CHRM4: variants seen among roughly 807,000 people sequenced by gnomAD.
The protein encoded by CHRM4 is muscarinic acetylcholine receptor M4.
Under a neutral mutation model 26.3 loss-of-function variants are expected in CHRM4, and 5 were observed. The ratio of observed to expected loss-of-function variants is 0.19; its 90% CI spans 0.10 to 0.40. The LOEUF (loss-of-function observed/expected upper bound fraction) is 0.40. CHRM4 is among the 10% of genes least tolerant of loss of function. The pLI is 1.00. For missense variants in CHRM4, 402 were observed against 664.5 expected, an observed-to-expected ratio of 0.60 and a Z score of 4.34; for synonymous variants, 290 against 285.3, an observed-to-expected ratio of 1.02 and a Z score of -0.16.
Position 46,386,231 on chromosome 11 carries a change from CA to C in CHRM4, c.326del (p.Leu109ArgfsTer7). The stretch of plus-strand genomic sequence containing the variant: ...CGTTGCTCACCACGTAGTCCAGGGC[CA>C]GCCACAGGTCGCAGACCACGGCGCC... ...PLGAVVCDLWLALDYVVSNAS... is the reference protein window; with the variant it reads ...PLGAVVCDLWXALDYVVSNAS... On this transcript the variant is annotated frameshift_variant, in exon 2 of 2. Transcript: ENST00000682254. LOFTEE classifies it high-confidence loss of function. The surrounding 1 kb of genome is among the most constrained non-coding windows in gnomAD (Gnocchi z 5.8). The C allele has an allele frequency of 6.2e-7, 1 of 1,613,876 alleles. No individual in the cohort carries two copies. Among genetic ancestry groups the C allele is most frequent in the Non-Finnish European group, 8.5e-7 (1 of 1,179,888 alleles).
chr11:46,385,308 T>C lies in CHRM4; in HGVS notation c.1250A>G (p.Asn417Ser). 1 of 1,613,892 alleles carries C rather than the reference T, an allele frequency of 6.2e-7. No homozygotes were observed. The highest frequency in any genetic ancestry group is 8.5e-7 in the Non-Finnish European group (1 of 1,179,906). Residue 417 changes from asparagine to serine, a missense_variant, in exon 2 of 2, where the codon AAC becomes AGC. By Grantham distance (46) the Asn-to-Ser change is conservative. Around this residue, in one of 5 missense-constraint regions of CHRM4, gnomAD observed 55 missense variants for 126.4 expected, o/e 0.44. Coordinates refer to ENST00000682254, the MANE Select transcript of CHRM4 (RefSeq NM_000741.5). The surrounding 1 kb of genome is among the most constrained non-coding windows in gnomAD (Gnocchi z 6.3). ...LAFILTWTPYNVMVLVNTFCQ... is the reference protein window; with the variant it reads ...LAFILTWTPYSVMVLVNTFCQ... ...GAAGGTGTTCACCAGGACCATGACG[T>C]TGTAGGGCGTCCAGGTGAGGATGAA... is the stretch of plus-strand genomic sequence containing the variant.
In CHRM4 at chr11:46,385,768, G is replaced by T; in HGVS notation, c.790C>A (p.Arg264=). 6.3e-7 allele frequency: 1 copy of T among 1,597,172 alleles called. No homozygotes were observed. Among genetic ancestry groups the T allele is most frequent in the Non-Finnish European group, 8.5e-7 (1 of 1,171,214 alleles). ...AGCTTGCCATTGCGCAGCTCCTCCCGGGCGGCCTCCCCGGGCGGGGGCTTC... is the reference window on the plus strand; with the variant it reads ...AGCTTGCCATTGCGCAGCTCCTCCCTGGCGGCCTCCCCGGGCGGGGGCTTC... ...VKKPPPGEAA[R]EELRNGKLEE... The change falls in exon 2 of 2, where the codon CGG becomes AGG. Residue 264 remains arginine, a synonymous_variant. Transcript: ENST00000682254. This position sits in a 1 kb window ranked among gnomAD's most constrained non-coding sequence, Gnocchi z 6.3.
At chr11:46,387,467 C>T (rs1353847528) in intron 1 of CHRM4, among the ~76,000 whole-genome samples, 1 of 152,152 alleles carries the variant, frequency 6.6e-6, no homozygotes, top group Non-Finnish European at 1.5e-5. Context: ...TCATAACAAA[C>T]CTATGAGGTA....
At chr11:46,388,744 G>A (rs1275042921) in intron 1 of CHRM4, among the ~76,000 whole-genome samples, 2 of 152,214 alleles carry the variant, frequency 1.3e-5, no homozygotes, top group Admixed American at 6.5e-5. Context: ...CCAGCACCAG[G>A]AGGCTGCCCT....
At position 46,385,441 on chromosome 11, in the gene CHRM4, C is replaced by T. The variant is rs375771904; in HGVS notation, c.1117G>A (p.Val373Met). 1.6e-5 allele frequency: 25 copies of T among 1,607,550 alleles called. No individual in the cohort carries two copies. Among genetic ancestry groups the T allele is most frequent in the Non-Finnish European group, 1.7e-5 (20 of 1,174,862 alleles). The change falls in exon 2 of 2, where the codon GTG becomes ATG. Residue 373 changes from valine (V) to methionine (M), a missense_variant. Physicochemically the swap from Val to Met is conservative, Grantham distance 21. Around this residue, in one of 5 missense-constraint regions of CHRM4, gnomAD observed 205 missense variants for 244.0 expected, o/e 0.84. Transcript: ENST00000682254. The surrounding 1 kb of genome is among the most constrained non-coding windows in gnomAD (Gnocchi z 6.3). The stretch of plus-strand genomic sequence containing the variant: ...GCGATGCTGGCGAACTTGCGGGCCA[C>T]GTTGGCCGCAGGGCGCATGCCAGCC... ...TPAGMRPAAN[V>M]ARKFASIARN...
chr11:46,385,567 G>A lies in CHRM4; in HGVS notation c.991C>T (p.Arg331Trp), dbSNP rs200850651. Reference sequence around the variant, plus strand: ...CATCTGGAGGCTGGGTTGAGGGCCCGCGGCTGCAGGGGAGGGGCGGGCATG... The same window carrying A: ...CATCTGGAGGCTGGGTTGAGGGCCCACGGCTGCAGGGGAGGGGCGGGCATG... ...PAMPAPPLQPRALNPASRWSK... is the reference protein window; with the variant it reads ...PAMPAPPLQPWALNPASRWSK... Residue 331 changes from arginine to tryptophan, a missense_variant, in exon 2 of 2, where the codon CGG becomes TGG. Coordinates refer to ENST00000682254, the MANE Select transcript of CHRM4 (RefSeq NM_000741.5). The surrounding 1 kb of genome is among the most constrained non-coding windows in gnomAD (Gnocchi z 6.3). 2.6e-6 allele frequency: 4 copies of A among 1,561,928 alleles called. No homozygotes were observed. The highest frequency in any genetic ancestry group is 1.8e-5 in the Admixed American group (1 of 56,738).
rs746584106 is a variant in CHRM4 at position 46,385,734 on chromosome 11, G to A, written c.824C>T (p.Ala275Val). ...EELRNGKLEE[A>V]PPPALPPPPR... The stretch of plus-strand genomic sequence containing the variant: ...TGGCGGTGGCAGCGCTGGCGGGGGG[G>A]CCTCCTCCAGCTTGCCATTGCGCAG... The change falls in exon 2 of 2, where the codon GCC becomes GTC. Residue 275 changes from alanine to valine, a missense_variant. By Grantham distance (64) the Ala-to-Val change is moderately conservative. Around this residue, in one of 5 missense-constraint regions of CHRM4, gnomAD observed 205 missense variants for 244.0 expected, o/e 0.84. Transcript: ENST00000682254. This position sits in a 1 kb window ranked among gnomAD's most constrained non-coding sequence, Gnocchi z 6.3. The A allele has an allele frequency of 2.5e-6, 4 of 1,583,446 alleles. No individual in the cohort carries two copies. Among genetic ancestry groups the A allele is most frequent in the Admixed American group, 1.8e-5 (1 of 56,172 alleles).
At position 46,384,694 on chromosome 11, in the gene CHRM4, G is replaced by A. The variant is rs1945315007; in HGVS notation, c.*424C>T. ...AAGGGGGCAGAAAGCACCGATTACA[G>A]CAGAATGGGGGACCCCACCCTTCTA... On this transcript the variant is annotated 3_prime_UTR_variant, in exon 2 of 2. Transcript: ENST00000682254. Among the ~76,000 whole-genome samples, 1 of 152,186 alleles carries A rather than the reference G, an allele frequency of 6.6e-6. No individual in the cohort carries two copies. The highest frequency in any genetic ancestry group is 2.4e-5 in the African/African-American group (1 of 41,436).
At chr11:46,390,914 G>A (rs1945385134) in intron 1 of CHRM4, among the ~76,000 whole-genome samples, 1 of 152,246 alleles carries the variant, frequency 6.6e-6, no homozygotes, top group Non-Finnish European at 1.5e-5. Context: ...GGAAGGCTGT[G>A]GCCCCTGGAT....
chr11:46,389,910 T>TGC (rs1945376466), intron 1 of CHRM4, among the ~76,000 whole-genome samples: 1 of 152,200 alleles, frequency 6.6e-6, no homozygotes, highest in Admixed American at 6.5e-5. Flanking sequence ...TGCGTGTGTG[T>TGC]GCGCACGGCC....
rs191392166 is a variant in CHRM4, at chr11:46,385,521, G to A, written c.1037C>T (p.Thr346Met). 2.4e-5 allele frequency: 38 copies of A among 1,583,924 alleles called. No individual in the cohort carries two copies. In the African/African-American group the frequency reaches 2.7e-4, roughly 11 times the overall value. The part of the protein sequence containing the change: ...ASRWSKIQIV[T>M]KQTGNECVTA... The stretch of plus-strand genomic sequence containing the variant: ...CACACACTCATTGCCTGTCTGCTTC[G>A]TCACAATCTGGATCTTGGACCATCT... Residue 346 changes from threonine to methionine, a missense_variant, in exon 2 of 2, where the codon ACG becomes ATG. Physicochemically the swap from Thr to Met is moderately conservative, Grantham distance 81. Transcript: ENST00000682254. The surrounding 1 kb of genome is among the most constrained non-coding windows in gnomAD (Gnocchi z 6.3).
rs200255240 is a variant in CHRM4 at position 46,385,467 on chromosome 11, G to A, written c.1091C>T (p.Pro364Leu). 14 of 1,600,876 alleles carry A rather than the reference G, an allele frequency of 8.7e-6. No individual in the cohort carries two copies. The highest frequency in any genetic ancestry group is 2.2e-5 in the East Asian group (1 of 44,488). ...GTTGGCCGCAGGGCGCATGCCAGCCGGCGTGGCAGGCACAATCTCAATGGC... is the reference window on the plus strand; with the variant it reads ...GTTGGCCGCAGGGCGCATGCCAGCCAGCGTGGCAGGCACAATCTCAATGGC... ...VTAIEIVPAT[P>L]AGMRPAANVA... The change falls in exon 2 of 2, where the codon CCG becomes CTG. Residue 364 changes from proline to leucine, a missense_variant. Physicochemically the swap from Pro to Leu is moderately conservative, Grantham distance 98 (BLOSUM62 -3). Around this residue, in one of 5 missense-constraint regions of CHRM4, gnomAD observed 205 missense variants for 244.0 expected, o/e 0.84. Coordinates refer to ENST00000682254, the MANE Select transcript of CHRM4 (RefSeq NM_000741.5). The surrounding 1 kb of genome is among the most constrained non-coding windows in gnomAD (Gnocchi z 6.3).
At chr11:46,389,506 G>A (rs531517578) in intron 1 of CHRM4, among the ~76,000 whole-genome samples, 2 of 152,344 alleles carry the variant, frequency 1.3e-5, no homozygotes, top group African/African-American at 4.8e-5. Flanking sequence ...GCCTTCCCTG[G>A]AATCCAGATA....
chr11:46,390,067 C>A (rs1945378088), intron 1 of CHRM4, among the ~76,000 whole-genome samples: 1 of 152,120 alleles, frequency 6.6e-6, no homozygotes, highest in South Asian at 2.1e-4. Context: ...GACTTGCATG[C>A]ACAAGCAAAT....
chr11:46,386,240 G>A lies in CHRM4; in HGVS notation c.318C>T (p.Asp106=), dbSNP rs267602893. ...CCACGTAGTCCAGGGCCAGCCACAG[G>A]TCGCAGACCACGGCGCCCAGGGGCC... ...GYWPLGAVVC[D]LWLALDYVVS... is the part of the protein sequence containing the mutation. Residue 106 remains aspartate, a synonymous_variant, in exon 2 of 2, where the codon GAC becomes GAT. Transcript: ENST00000682254. This position sits in a 1 kb window ranked among gnomAD's most constrained non-coding sequence, Gnocchi z 5.8. 6.2e-7 allele frequency: 1 copy of A among 1,613,902 alleles called. No homozygotes were observed. The highest frequency in any genetic ancestry group is 8.5e-7 in the Non-Finnish European group (1 of 1,179,884).
intron 1 of CHRM4, among the ~76,000 whole-genome samples, chr11:46,388,490 G>A (rs953998651): frequency 1.3e-5 from 2 of 152,224 alleles, no homozygotes; most frequent in African/African-American, 4.8e-5. Flanking sequence ...TCTGACCCCA[G>A]CCCTTCTATT....
chr11:46,386,513 G>C lies in CHRM4; in HGVS notation c.45C>G (p.Ser15=). 1 of 1,613,048 alleles carries C rather than the reference G, an allele frequency of 6.2e-7. No individual in the cohort carries two copies. Among genetic ancestry groups the C allele is most frequent in the South Asian group, 1.1e-5 (1 of 91,080 alleles). Residue 15 remains serine, a synonymous_variant, in exon 2 of 2, where the codon TCC becomes TCG. Transcript: ENST00000682254. This position sits in a 1 kb window ranked among gnomAD's most constrained non-coding sequence, Gnocchi z 5.8. Reference sequence around the variant, plus strand: ...GGGATGATGACGTGACCAGGCGCACGGACTGATTGCCCGAGCTGCCATTGA... The same window carrying C: ...GGGATGATGACGTGACCAGGCGCACCGACTGATTGCCCGAGCTGCCATTGA... The part of the protein sequence containing the change: ...TPVNGSSGNQ[S]VRLVTSSSHN...
chr11:46,388,156 G>A (rs1438756413), intron 1 of CHRM4, among the ~76,000 whole-genome samples: 3 of 152,140 alleles, frequency 2.0e-5, no homozygotes, highest in Admixed American at 1.3e-4. Flanking sequence ...CTCCACAGAC[G>A]CACGCGGGCC....
Position 46,384,096 on chromosome 11 carries a change from C to T in CHRM4, c.*1022G>A, listed in dbSNP as rs1007541760. On this transcript the variant is annotated 3_prime_UTR_variant, in exon 2 of 2. Transcript: ENST00000682254. The stretch of plus-strand genomic sequence containing the variant: ...CCTGGCTGACTCACTGGAACCACCA[C>T]ACCCATCTCAGCCTCACCCAGTCAA... Among the ~76,000 whole-genome samples the T allele has an allele frequency of 3.9e-5, 6 of 152,240 alleles. No individual in the cohort carries two copies. The highest frequency in any genetic ancestry group is 1.4e-4 in the African/African-American group (6 of 41,460).
Sources: allele counts gnomAD v4.1 joint callset (sites outside exome capture counted in the v4.1 genomes callset), GRCh38; gene constraint gnomAD v4.1.1; regional missense constraint gnomAD v4.1.1; non-coding constraint Gnocchi (gnomAD v3.1); transcripts MANE v1.5; gene names NCBI Gene and HGNC (gene_info 2026-07-23, HGNC 2026-07-21).